Variants in RINL observed in about 807,000 individuals in gnomAD.
The protein encoded by RINL is ras and Rab interactor-like protein.
Under a neutral mutation model 58.1 loss-of-function variants are expected in RINL, and 39 were observed. The ratio of observed to expected loss-of-function variants is 0.67; its 90% confidence interval spans 0.52 to 0.88. RINL has a LOEUF of 0.88. RINL is among the 40% of genes least tolerant of loss of function. The pLI, the probability that RINL is intolerant of heterozygous loss-of-function variation, is 0.00. For synonymous variants in RINL, 286 were observed against 323.1 expected (o/e 0.89, Z 1.23); for missense variants, 711 against 749.2 (o/e 0.95, Z 0.60).
rs368954450 is a variant in RINL at position 38,871,683 on chromosome 19, G to A, written c.415C>T (p.Pro139Ser). The A allele has an allele frequency of 3.2e-5, 52 of 1,614,116 alleles. No homozygotes were observed. In the East Asian group the frequency reaches 5.6e-4, roughly 17 times the overall value. The change falls in exon 6 of 12, where the codon CCC becomes TCC. Residue 139 changes from proline to serine, a missense_variant. Transcript: ENST00000591812. ...TCTCTGGGCCCTAGAGTGGGAGGGG[G>A]CAAGAGCAGGGTTCTGGGCAGAACA... Reference protein sequence around the residue: ...RDVLPRTLLLPPPTLGPRDEH... With the variant: ...RDVLPRTLLLSPPTLGPRDEH...
In RINL at chr19:38,878,231, C is replaced by T. The variant is rs1207960056; in HGVS notation, c.-40+1G>A. The T allele has an allele frequency of 1.3e-5, 2 of 152,384 alleles. No individual in the cohort carries two copies. Among genetic ancestry groups the T allele is most frequent in the Non-Finnish European group, 2.9e-5 (2 of 68,182 alleles). The allele number at this position is 152,384 out of a possible 1,614,324, so 9.4% of individuals were successfully genotyped here. The stretch of plus-strand genomic sequence containing the variant: ...AGATGCTCGGTTCCTGGGGGCCCTA[C>T]CTGTTCTCGGAGGAGAGGCCTGCAG... On this transcript the variant is annotated splice_donor_variant, in intron 1 of 11. Coordinates refer to ENST00000591812, the MANE Select transcript of RINL (RefSeq NM_001195833.2). LOFTEE classifies it low-confidence loss of function (5UTR_SPLICE).
chr19:38,872,358 C>T (rs1055533308), intron 4 of RINL, among the ~76,000 whole-genome samples: 2 of 151,006 alleles, frequency 1.3e-5, no homozygotes, highest in East Asian at 2.0e-4. Flanking sequence ...TGGTGGTGGG[C>T]GCCTGTAATC....
In RINL at chr19:38,870,815, G is replaced by C; in HGVS notation, c.779C>G (p.Thr260Ser). ...PEEEGPEDVL[T>S]IHVQSLVRAR... ...CCTGACCAGAGACTGGACGTGAATG[G>C]TGAGCACGTCCTCAGGGCCTTCCTC... is the stretch of plus-strand genomic sequence containing the variant. The change falls in exon 8 of 12, where the codon ACC (threonine) becomes AGC (serine). Residue 260 changes from threonine to serine, a missense_variant. Physicochemically the swap from Thr to Ser is moderately conservative, Grantham distance 58. Transcript: ENST00000591812. The surrounding 1 kb of genome is among the most constrained non-coding windows in gnomAD (Gnocchi z 5.8). The C allele has an allele frequency of 6.2e-7, 1 of 1,611,128 alleles. No homozygotes were observed. The highest frequency in any genetic ancestry group is 8.5e-7 in the Non-Finnish European group (1 of 1,180,004).
rs778234877 is a variant in RINL, at chr19:38,871,000, T to G, written c.602-8A>C. ...GCGCAGGGTTCCTGGGGGCTGGAAGTGAGGAGGGCATTCGGTCGCCTAGAA... is the reference window on the plus strand; with the variant it reads ...GCGCAGGGTTCCTGGGGGCTGGAAGGGAGGAGGGCATTCGGTCGCCTAGAA... On this transcript the variant is annotated splice_region_variant and splice_polypyrimidine_tract_variant and intron_variant, in intron 7 of 11. Coordinates refer to ENST00000591812, the MANE Select transcript of RINL (RefSeq NM_001195833.2). This position sits in a 1 kb window ranked among gnomAD's most constrained non-coding sequence, Gnocchi z 5.8. The G allele has an allele frequency of 3.8e-6, 6 of 1,590,452 alleles. No homozygotes were observed. In the African/African-American group the frequency reaches 6.7e-5, roughly 18 times the overall value.
In RINL at chr19:38,869,773, A is replaced by G; in HGVS notation, c.1343-69T>C. The G allele has an allele frequency of 6.3e-7, 1 of 1,599,174 alleles. No individual in the cohort carries two copies. Among genetic ancestry groups the G allele is most frequent in the East Asian group, 2.2e-5 (1 of 44,712 alleles). The stretch of plus-strand genomic sequence containing the variant: ...AAGGCGCGTAGACACCTTCCATCCG[A>G]TCCCCAGGACCACGAGGGCTGGCTG... On this transcript the variant is annotated intron_variant, in intron 9 of 11. Transcript: ENST00000591812. This position sits in a 1 kb window ranked among gnomAD's most constrained non-coding sequence, Gnocchi z 5.7.
chr19:38,875,555 T>C (rs1972905313), intron 3 of RINL, among the ~76,000 whole-genome samples: 2 of 151,194 alleles, frequency 1.3e-5, no homozygotes, highest in Admixed American at 1.3e-4. Flanking sequence ...CAGATGCCTG[T>C]AATCCCAGCT....
At position 38,869,787 on chromosome 19, in the gene RINL, G is replaced by A; in HGVS notation, c.1343-83C>T. 6.3e-7 allele frequency: 1 copy of A among 1,582,234 alleles called. No individual in the cohort carries two copies. Among genetic ancestry groups the A allele is most frequent in the Non-Finnish European group, 8.6e-7 (1 of 1,160,418 alleles). ...CCTTCCATCCGATCCCCAGGACCAC[G>A]AGGGCTGGCTGCCCCTCCACCTTGT... On this transcript the variant is annotated intron_variant, in intron 9 of 11. Coordinates refer to ENST00000591812, the MANE Select transcript of RINL (RefSeq NM_001195833.2). The surrounding 1 kb of genome is among the most constrained non-coding windows in gnomAD (Gnocchi z 5.7).
intron 4 of RINL, among the ~76,000 whole-genome samples, chr19:38,872,447 T>C (rs1972834938): frequency 6.6e-6 from 1 of 151,746 alleles, no homozygotes; most frequent in Non-Finnish European, 1.5e-5. Context: ...GATTAAGCCA[T>C]TGCACTCCAG....
At chr19:38,875,731 C>T (rs566505213) in intron 3 of RINL, among the ~76,000 whole-genome samples, 1 of 151,656 alleles carries the variant, frequency 6.6e-6, no homozygotes, top group Non-Finnish European at 1.5e-5. Flanking sequence ...TAAACAGATG[C>T]AAGTGGTGCC....
Position 38,870,897 on chromosome 19 carries a change from C to G in RINL, c.697G>C (p.Glu233Gln). 2 of 1,604,918 alleles carry G rather than the reference C, an allele frequency of 1.2e-6. No individual in the cohort carries two copies. Among genetic ancestry groups the G allele is most frequent in the Non-Finnish European group, 1.7e-6 (2 of 1,179,972 alleles). ...HPGPALASLL[E>Q]EEEEDLEGKE... Reference sequence around the variant, plus strand: ...CCTTCAAGGTCTTCCTCCTCCTCTTCCAGTAGGCTGGCGAGAGCCGGCCCA... The same window carrying G: ...CCTTCAAGGTCTTCCTCCTCCTCTTGCAGTAGGCTGGCGAGAGCCGGCCCA... Residue 233 changes from glutamate to glutamine, a missense_variant, in exon 8 of 12, where the codon GAA (glutamate) becomes CAA (glutamine). By Grantham distance (29) the Glu-to-Gln change is conservative. Coordinates refer to ENST00000591812, the MANE Select transcript of RINL (RefSeq NM_001195833.2). This position sits in a 1 kb window ranked among gnomAD's most constrained non-coding sequence, Gnocchi z 5.8.
At chr19:38,876,882 AC>A (rs1368287494) in intron 1 of RINL, 101 bp from the exon 2 acceptor site, 8 of 676,472 alleles carry the variant, frequency 1.2e-5, no homozygotes, top group African/African-American at 3.6e-5. Flanking sequence ...ATCAGAATGG[AC>A]CCCAGAGGCC....
Position 38,876,698 on chromosome 19 carries a change from CCCCTCTGTGGGGACTT to C in RINL, c.29_44del (p.Glu10GlyfsTer2), listed in dbSNP as rs1972934103. 1 of 1,536,076 alleles carries C rather than the reference CCCCTCTGTGGGGACTT, an allele frequency of 6.5e-7. No homozygotes were observed. Among genetic ancestry groups the C allele is most frequent in the Non-Finnish European group, 8.7e-7 (1 of 1,146,854 alleles). On this transcript the variant is annotated frameshift_variant, in exon 2 of 12. Transcript: ENST00000591812. LOFTEE classifies it high-confidence loss of function. ...CTCAGCCCTAGTAGCCTCACCTCAC[CCCCTCTGTGGGGACTT>C]CAGGTGCCTTGTCTTCTGGCTGGGC... is the stretch of plus-strand genomic sequence containing the variant.
chr19:38,873,249 A>G lies in RINL; in HGVS notation c.313+637T>C, dbSNP rs115798636. 8.6e-3 allele frequency among the ~76,000 whole-genome samples: 1,315 copies of G among 152,288 alleles called. 18 individuals are homozygous for G. The highest frequency in any genetic ancestry group is 0.03 in the African/African-American group (1,230 of 41,554). On this transcript the variant is annotated intron_variant, in intron 4 of 11. Transcript: ENST00000591812. ...GGAACACACTTAGCATGCTAAAGAC[A>G]CACAGAGTGTAACAGTGTGTATGGG...
chr19:38,876,227 AAAT>A, intron 3 of RINL, 101 bp downstream of exon 3: 1 of 1,158,554 alleles, frequency 8.6e-7, no homozygotes, highest in Non-Finnish European at 1.2e-6. Flanking sequence ...ACCCAGCAAT[AAAT>A]AGCCTTTTTG....
intron 1 of RINL, 145 bp from the exon 2 acceptor site, chr19:38,876,926 A>G: frequency 1.7e-6 from 1 of 597,112 alleles, no homozygotes; most frequent in Non-Finnish European, 3.0e-6. Context: ...TCTTTATTTT[A>G]TTTTTGAGAC....
At position 38,869,609 on chromosome 19, in the gene RINL, T is replaced by G. The variant is rs1972752768; in HGVS notation, c.1438A>C (p.Met480Leu). Reference sequence around the variant, plus strand: ...AGCTCATCTGGATCTAAGAGCTCCATAAGAAACTCTACGTCCAGCTGCGTG... The same window carrying G: ...AGCTCATCTGGATCTAAGAGCTCCAGAAGAAACTCTACGTCCAGCTGCGTG... Reference protein sequence around the residue: ...GDTQLDVEFLMELLDPDELRG... With the variant: ...GDTQLDVEFLLELLDPDELRG... The change falls in exon 10 of 12, where the codon ATG (methionine) becomes CTG (leucine). Residue 480 changes from methionine to leucine, a missense_variant. Met to Leu is a conservative substitution (Grantham distance 15). Coordinates refer to ENST00000591812, the MANE Select transcript of RINL (RefSeq NM_001195833.2). The surrounding 1 kb of genome is among the most constrained non-coding windows in gnomAD (Gnocchi z 5.7). The G allele has an allele frequency of 1.2e-6, 2 of 1,613,832 alleles. No individual in the cohort carries two copies. Among genetic ancestry groups the G allele is most frequent in the Non-Finnish European group, 1.7e-6 (2 of 1,179,958 alleles).
In RINL at chr19:38,876,353, A is replaced by G. The variant is rs1972924540; in HGVS notation, c.188T>C (p.Leu63Pro). Residue 63 changes from leucine to proline, a missense_variant, in exon 3 of 12, where the codon CTT becomes CCT. Leu to Pro is a moderately conservative substitution (Grantham distance 98). Transcript: ENST00000591812. The stretch of plus-strand genomic sequence containing the variant: ...CACCCCTAGTGGCCACAGCCCCACA[A>G]GGGCCTCCGCATCCTGGGTATCCAG... ...PELDTQDAEALVGLWPLGSFL... is the reference protein window; with the variant it reads ...PELDTQDAEAPVGLWPLGSFL... The G allele has an allele frequency of 6.5e-7, 1 of 1,536,060 alleles. No individual in the cohort carries two copies. The highest frequency in any genetic ancestry group is 8.7e-7 in the Non-Finnish European group (1 of 1,146,872).
rs1044313475 is a variant in RINL, at chr19:38,868,916, C to T, written c.*188G>A. 1.2e-5 allele frequency: 7 copies of T among 561,408 alleles called. No homozygotes were observed. Among genetic ancestry groups the T allele is most frequent in the Non-Finnish European group, 2.2e-5 (7 of 318,992 alleles). 34.8% of individuals were successfully genotyped at this position (561,408 alleles called of 1,614,324 possible). On this transcript the variant is annotated 3_prime_UTR_variant, in exon 12 of 12. Transcript: ENST00000591812. ...ACGCCTGTCTAAAACTGCAAAGCCT[C>T]CTGAGTAGCTGGTACCACAGGAGTA...
In RINL at chr19:38,871,801, C is replaced by G. The variant is rs201019662; in HGVS notation, c.383G>C (p.Ser128Thr). The change falls in exon 5 of 12, where the codon AGC (serine) becomes ACC (threonine). Residue 128 changes from serine (S) to threonine (T), a missense_variant. Coordinates refer to ENST00000591812, the MANE Select transcript of RINL (RefSeq NM_001195833.2). ...GCCTCAGATGGGTGACCTGTACCTG[C>G]TGGCTGATAGAAAGGCCAGGAGATG... ...LPHLLAFLSA[S>T]RDVLPRTLLL... 86 of 1,614,096 alleles carry G rather than the reference C, an allele frequency of 5.3e-5. No homozygotes were observed. In the East Asian group the frequency reaches 1.8e-3, roughly 33 times the overall value.
Sources: gnomAD v4.1 joint callset for allele counts (sites outside exome capture counted in the v4.1 genomes callset) on GRCh38, gnomAD v4.1.1 for gene constraint, Gnocchi (gnomAD v3.1) non-coding constraint, MANE v1.5 for transcripts, NCBI Gene and HGNC (gene_info 2026-07-23, HGNC 2026-07-21) for gene names.